Variants in IFNAR1 observed in about 807,000 individuals in gnomAD.
IFNAR1 encodes the protein interferon alpha/beta receptor 1.
IFNAR1 carries 47 observed loss-of-function variants against 62.1 expected under a neutral mutation model. That is an observed-to-expected ratio of 0.76 (90% CI 0.60 to 0.97). The LOEUF is 0.97. IFNAR1 is among the 50% of genes least tolerant of loss of function. The pLI is 0.00. For missense variants in IFNAR1, 638 were observed against 654.5 expected (o/e 0.97, Z 0.27); for synonymous variants, 219 against 226.9 (o/e 0.97, Z 0.31).
chr21:33,338,488 C>T (rs1367088639), intron 2 of IFNAR1, among the ~76,000 whole-genome samples: 2 of 149,654 alleles, frequency 1.3e-5, no homozygotes, highest in Non-Finnish European at 3.0e-5. Context: ...GAGCTGAAAT[C>T]GTGCCCCTGC....
intron 6 of IFNAR1, among the ~76,000 whole-genome samples, chr21:33,348,586 G>A (rs2083370411): frequency 6.6e-6 from 1 of 152,106 alleles, no homozygotes; most frequent in Admixed American, 6.5e-5. Context: ...TGGATCACCT[G>A]AGGTCAGGAG....
At chr21:33,331,600 C>G (rs976243673) in intron 1 of IFNAR1, among the ~76,000 whole-genome samples, 14 of 152,292 alleles carry the variant, frequency 9.2e-5, no homozygotes, top group Admixed American at 7.2e-4. Flanking sequence ...CCCTACCCCC[C>G]ATTCCCAGCC....
chr21:33,335,314 T>C (rs1160682162), intron 1 of IFNAR1, among the ~76,000 whole-genome samples: 5 of 152,144 alleles, frequency 3.3e-5, no homozygotes, highest in African/African-American at 7.2e-5. Context: ...GGAAAAAAAA[T>C]CAACTCTTTT....
intron 1 of IFNAR1, among the ~76,000 whole-genome samples, chr21:33,328,273 G>A (rs2123652619): frequency 6.6e-6 from 1 of 152,258 alleles, no homozygotes; most frequent in East Asian, 1.9e-4. Context: ...GCTTCAGAGA[G>A]AATAGATTGT....
chr21:33,343,744 C>G, intron 5 of IFNAR1, 68 bp downstream of exon 5: 1 of 1,074,654 alleles, frequency 9.3e-7, no homozygotes, highest in East Asian at 2.4e-5. Context: ...GCATCTTCCC[C>G]ATATTGCTGA....
At chr21:33,327,683 A>G (rs1215931367) in intron 1 of IFNAR1, among the ~76,000 whole-genome samples, 1 of 152,184 alleles carries the variant, frequency 6.6e-6, no homozygotes, top group East Asian at 1.9e-4. Flanking sequence ...ACCGGTCTGA[A>G]ATCAACTTAG....
intron 6 of IFNAR1, among the ~76,000 whole-genome samples, chr21:33,346,036 T>A (rs1601861645): frequency 6.6e-6 from 1 of 152,186 alleles, no homozygotes; most frequent in African/African-American, 2.4e-5. Flanking sequence ...TGTTGTATGA[T>A]CACACCTGCT....
At chr21:33,334,113 A>T (rs2083209893) in intron 1 of IFNAR1, among the ~76,000 whole-genome samples, 1 of 152,210 alleles carries the variant, frequency 6.6e-6, no homozygotes, top group Admixed American at 6.5e-5. Flanking sequence ...AAAGGGACCA[A>T]TTCAGCAAGA....
At chr21:33,339,788 C>T (rs1022609993) in intron 2 of IFNAR1, among the ~76,000 whole-genome samples, 3 of 151,940 alleles carry the variant, frequency 2.0e-5, no homozygotes, top group Non-Finnish European at 2.9e-5. Flanking sequence ...ATTAGCCAGA[C>T]GTGGTGGCAC....
At chr21:33,326,534 G>C (rs1236151696) in intron 1 of IFNAR1, among the ~76,000 whole-genome samples, 1 of 152,194 alleles carries the variant, frequency 6.6e-6, no homozygotes, top group Non-Finnish European at 1.5e-5. Context: ...TTAGGAACTA[G>C]ACTTAGGTTG....
intron 1 of IFNAR1, among the ~76,000 whole-genome samples, chr21:33,328,026 C>T (rs1022321507): frequency 3.9e-5 from 6 of 152,190 alleles, no homozygotes; most frequent in South Asian, 2.1e-4. Flanking sequence ...GCCCACTGGC[C>T]GCGTGCAGCC....
chr21:33,349,029 G>A (rs1161335221), intron 6 of IFNAR1, 62 bp from the exon 7 acceptor site: 2 of 1,025,974 alleles, frequency 1.9e-6, no homozygotes, highest in African/African-American at 1.6e-5. Flanking sequence ...CTAACATAGT[G>A]TCTGGCAATT....
intron 9 of IFNAR1, 45 bp downstream of exon 9, chr21:33,352,953 A>G: frequency 7.1e-7 from 1 of 1,417,196 alleles, no homozygotes; most frequent in Non-Finnish European, 9.7e-7. Flanking sequence ...GCTAGACATA[A>G]TAAAAGTAAT....
At position 33,325,071 on chromosome 21, in the gene IFNAR1, C is replaced by T. The variant is rs770095813; in HGVS notation, c.16C>T (p.Leu6=). Residue 6 remains leucine, a synonymous_variant, in exon 1 of 11, where the codon CTG becomes TTG. Coordinates refer to ENST00000270139, the MANE Select transcript of IFNAR1 (RefSeq NM_000629.3). ...CGGCTCCCAGATGATGGTCGTCCTC[C>T]TGGGCGCGACGACCCTAGTGCTCGT... MMVVL[L]GATTLVLVAV... is the part of the protein sequence containing the mutation. The T allele has an allele frequency of 8.7e-6, 14 of 1,608,258 alleles. No individual in the cohort carries two copies. The highest frequency in any genetic ancestry group is 1.2e-5 in the Non-Finnish European group (14 of 1,178,322).
At position 33,358,797 on chromosome 21, in the gene IFNAR1, C is replaced by G. The variant is rs2083473137; in HGVS notation, c.*3248C>G. The G allele has an allele frequency of 1.3e-5, 2 of 151,946 alleles. No individual in the cohort carries two copies. The highest frequency in any genetic ancestry group is 4.8e-5 in the African/African-American group (2 of 41,344). 9.4% of individuals were successfully genotyped at this position (151,946 alleles called of 1,614,324 possible). A position where few individuals can be genotyped will look rare whatever the true frequency, so the allele number is the denominator to read the frequency against. The stretch of plus-strand genomic sequence containing the variant: ...GGAGGATCACTTCAGGCCAGGAGTT[C>G]AAGATCAACCAACCTGGGTAACATG... On this transcript the variant is annotated 3_prime_UTR_variant, in exon 11 of 11. Transcript: ENST00000270139.
At chr21:33,348,941 T>G (rs1293452390) in intron 6 of IFNAR1, 150 bp from the exon 7 acceptor site, 2 of 555,760 alleles carry the variant, frequency 3.6e-6, no homozygotes, top group African/African-American at 3.8e-5. Flanking sequence ...TGGTTTTCTT[T>G]TATGTTAGAT....
chr21:33,355,588 G>C lies in IFNAR1; in HGVS notation c.*39G>C. On this transcript the variant is annotated 3_prime_UTR_variant, in exon 11 of 11. Coordinates refer to ENST00000270139, the MANE Select transcript of IFNAR1 (RefSeq NM_000629.3). ...GTGTCAAGTATAAGGTTTTTCAGCA[G>C]GAGTTACACTGGGAGCCTGAGGTCC... 1 of 1,145,516 alleles carries C rather than the reference G, an allele frequency of 8.7e-7. No individual in the cohort carries two copies. The highest frequency in any genetic ancestry group is 1.2e-6 in the Non-Finnish European group (1 of 803,746). 71.0% of individuals were successfully genotyped at this position (1,145,516 alleles called of 1,614,324 possible).
At chr21:33,335,450 G>C (rs1312607565) in intron 1 of IFNAR1, 74 bp from the exon 2 acceptor site, 1 of 807,834 alleles carries the variant, frequency 1.2e-6, no homozygotes, top group Non-Finnish European at 1.9e-6. Context: ...AATCAGGGAT[G>C]TGAGGGATAG....
At chr21:33,340,243 A>G (rs948317625) in intron 2 of IFNAR1, among the ~76,000 whole-genome samples, 2 of 152,098 alleles carry the variant, frequency 1.3e-5, no homozygotes, top group African/African-American at 4.8e-5. Context: ...TGGAGAGGGC[A>G]GAGGAAACCT....
Sources: gnomAD v4.1 joint callset for allele counts (sites outside exome capture counted in the v4.1 genomes callset) on GRCh38, gnomAD v4.1.1 for gene constraint, MANE v1.5 for transcripts, NCBI Gene and HGNC (gene_info 2026-07-23, HGNC 2026-07-21) for gene names.